LRP1B: variants seen among roughly 807,000 people sequenced by gnomAD.
The protein encoded by LRP1B is low-density lipoprotein receptor-related protein 1B.
In LRP1B, 217 loss-of-function variants were observed where a neutral mutation model predicts 556.6. That is an observed-to-expected ratio of 0.39 (90% CI 0.35 to 0.44). The LOEUF is 0.44. LRP1B is among the 20% of genes least tolerant of loss of function. The pLI is 1.00. For synonymous variants in LRP1B, 2,047 were observed against 1,865.8 expected (o/e 1.10, Z -2.50); for missense variants, 5,053 against 5,620.8 (o/e 0.90, Z 3.23).
intron 35 of LRP1B, among the ~76,000 whole-genome samples, chr2:140,736,931 G>A (rs2105512666): frequency 6.6e-6 from 1 of 152,260 alleles, no homozygotes; most frequent in South Asian, 2.1e-4. Flanking sequence ...CAAGGTTGAA[G>A]GAACGTCGAG....
chr2:141,100,811 T>C (rs566242435), intron 7 of LRP1B, among the ~76,000 whole-genome samples: 1 of 152,004 alleles, frequency 6.6e-6, no homozygotes, highest in African/African-American at 2.4e-5. Context: ...TGTACTTGTG[T>C]CTCCACTAAG....
chr2:141,592,920 T>C (rs564352112), intron 2 of LRP1B, among the ~76,000 whole-genome samples: 5 of 152,204 alleles, frequency 3.3e-5, no homozygotes, highest in African/African-American at 9.6e-5. Flanking sequence ...CAATGTATAA[T>C]AGGAAAATCC....
chr2:141,977,225 T>C (rs1330011361), intron 1 of LRP1B, among the ~76,000 whole-genome samples: 1 of 152,140 alleles, frequency 6.6e-6, no homozygotes, highest in Non-Finnish European at 1.5e-5. Context: ...TCCAGTAAGC[T>C]TTGATATTCA....
chr2:140,256,413 T>C (rs1347529094), intron 86 of LRP1B, among the ~76,000 whole-genome samples: 2 of 150,366 alleles, frequency 1.3e-5, no homozygotes, highest in Non-Finnish European at 3.0e-5. Flanking sequence ...TTCTATTTTG[T>C]ATGGTTTTAT....
chr2:141,247,442 G>A lies in LRP1B; in HGVS notation c.464-88C>T, dbSNP rs532209784. 1.3e-5 allele frequency: 20 copies of A among 1,486,560 alleles called. No homozygotes were observed. In the Middle Eastern group the frequency reaches 1.8e-3, roughly 135 times the overall value. 92.1% of individuals were successfully genotyped at this position (1,486,560 alleles called of 1,614,324 possible). A position where few individuals can be genotyped will look rare whatever the true frequency, so the allele number is the denominator to read the frequency against. Reference sequence around the variant, plus strand: ...GAAGAAAATATTATTTTTGAACTTCGGAAATAGACTATTAAGGAAAAGCCA... The same window carrying A: ...GAAGAAAATATTATTTTTGAACTTCAGAAATAGACTATTAAGGAAAAGCCA... On this transcript the variant is annotated intron_variant, in intron 4 of 90. Transcript: ENST00000389484.
rs1692468612 is a variant in LRP1B, at chr2:140,851,846, G to T, written c.4580-63C>A. The T allele has an allele frequency of 3.4e-6, 5 of 1,456,862 alleles. No individual in the cohort carries two copies. The South Asian group carries it at 4.2e-5, about 12-fold the overall frequency. 90.2% of individuals were successfully genotyped at this position (1,456,862 alleles called of 1,614,324 possible). ...AAGAATGTATTAGGGAAGCTCTGAG[G>T]TTGACAGGGGTTATTCACCTAATGA... On this transcript the variant is annotated intron_variant, in intron 27 of 90. Coordinates refer to ENST00000389484, the MANE Select transcript of LRP1B (RefSeq NM_018557.3).
At chr2:141,227,377 G>A (rs969339432) in intron 6 of LRP1B, among the ~76,000 whole-genome samples, 4 of 152,158 alleles carry the variant, frequency 2.6e-5, no homozygotes, top group African/African-American at 9.7e-5. Context: ...AATGTAGCAA[G>A]GACTGTGGCC....
chr2:140,816,542 T>G (rs1026747722), intron 31 of LRP1B, among the ~76,000 whole-genome samples: 2 of 152,154 alleles, frequency 1.3e-5, no homozygotes, highest in Non-Finnish European at 1.5e-5. Flanking sequence ...TTGAATAGCT[T>G]CAAATTAATA....
At chr2:140,530,601 C>G (rs1262027781) in intron 47 of LRP1B, among the ~76,000 whole-genome samples, 1 of 152,090 alleles carries the variant, frequency 6.6e-6, no homozygotes, top group Non-Finnish European at 1.5e-5. Context: ...AGTAATCTTT[C>G]ATCCAAATAG....
chr2:141,656,146 A>T (rs1431991469), intron 2 of LRP1B, among the ~76,000 whole-genome samples: 2 of 152,184 alleles, frequency 1.3e-5, no homozygotes, highest in East Asian at 3.9e-4. Flanking sequence ...GAAGTCAGGC[A>T]TTCTAACTTC....
intron 31 of LRP1B, among the ~76,000 whole-genome samples, 161 bp downstream of exon 31, chr2:140,839,830 C>A (rs954605090): frequency 6.6e-6 from 1 of 152,112 alleles, no homozygotes; most frequent in Non-Finnish European, 1.5e-5. Flanking sequence ...GACTAATAAA[C>A]CTAACAGAAA....
At chr2:141,132,093 CAT>C (rs1701373573) in intron 7 of LRP1B, among the ~76,000 whole-genome samples, 1 of 152,022 alleles carries the variant, frequency 6.6e-6, no homozygotes. Flanking sequence ...GATGCCCAAA[CAT>C]AACATTTTTA....
chr2:141,703,413 T>C (rs1215782304), intron 2 of LRP1B, among the ~76,000 whole-genome samples: 1 of 151,922 alleles, frequency 6.6e-6, no homozygotes, highest in Admixed American at 6.6e-5. Context: ...TGTTTTTATG[T>C]ATTAATAACA....
chr2:141,649,926 T>A (rs769670027), intron 2 of LRP1B, among the ~76,000 whole-genome samples: 2 of 152,196 alleles, frequency 1.3e-5, no homozygotes, highest in African/African-American at 4.8e-5. Flanking sequence ...GTGCCTGTGA[T>A]TCCAGCTTTT....
chr2:141,391,552 C>T (rs751907623), intron 3 of LRP1B, among the ~76,000 whole-genome samples: 29 of 152,050 alleles, frequency 1.9e-4, no homozygotes, highest in Non-Finnish European at 3.7e-4. Flanking sequence ...GCCTCATACA[C>T]CATGGTAATT....
chr2:140,737,832 A>T (rs1052921133), intron 35 of LRP1B, among the ~76,000 whole-genome samples: 1 of 152,228 alleles, frequency 6.6e-6, no homozygotes, highest in African/African-American at 2.4e-5. Flanking sequence ...GAATGATTGT[A>T]GGCTTCCAGA....
Position 140,334,469 on chromosome 2 carries a change from G to T in LRP1B, c.12207C>A (p.Asn4069Lys). ...AAATCATACCTGTGGGTCTCTGTAA[G>T]TTCTTTTGTACTAAAATCCTTCTCA... Reference protein sequence around the residue: ...GTLRRILVQKNLQRPTGLAVD... With the variant: ...GTLRRILVQKKLQRPTGLAVD... Residue 4069 changes from asparagine (N) to lysine (K), a missense_variant, in exon 79 of 91, where the codon AAC (asparagine) becomes AAA (lysine). Transcript: ENST00000389484. 6.2e-7 allele frequency: 1 copy of T among 1,608,416 alleles called. No individual in the cohort carries two copies. The highest frequency in any genetic ancestry group is 8.5e-7 in the Non-Finnish European group (1 of 1,175,630).
chr2:140,792,414 A>G (rs905590421), intron 32 of LRP1B, among the ~76,000 whole-genome samples: 2 of 152,138 alleles, frequency 1.3e-5, no homozygotes, highest in Non-Finnish European at 2.9e-5. Context: ...TTCGGGTCAT[A>G]TGTATTTTTA....
intron 79 of LRP1B, among the ~76,000 whole-genome samples, chr2:140,326,210 A>AT (rs1376081330): frequency 6.6e-6 from 1 of 152,006 alleles, no homozygotes; most frequent in Non-Finnish European, 1.5e-5. Context: ...TAATATTTCC[A>AT]TTTTCATCTT....
Sources: allele counts gnomAD v4.1 joint callset (sites outside exome capture counted in the v4.1 genomes callset), GRCh38; gene constraint gnomAD v4.1.1; transcripts MANE v1.5; gene names NCBI Gene and HGNC (gene_info 2026-07-23, HGNC 2026-07-21).